The following ZNF184 variants were observed in gnomAD, a reference collection of about 807,000 sequenced individuals.
ZNF184 encodes zinc finger protein 184, also known as zinc finger protein 184 (Kruppel-like).
ZNF184 carries 16 observed loss-of-function variants against 54.4 expected under a neutral mutation model. That is an observed-to-expected ratio of 0.29 (90% CI 0.20 to 0.45). The LOEUF is 0.45. ZNF184 is among the 20% of genes least tolerant of loss of function. The probability of loss-of-function intolerance (pLI) is 1.00; values close to 1 mark genes in which losing one functional copy is unlikely to be tolerated. For synonymous variants in ZNF184, 254 were observed against 295.3 expected (o/e 0.86, Z 1.43); for missense variants, 681 against 888.2 (o/e 0.77, Z 2.97).
chr6:27,412,492 C>G, the ZNF184 span, among the ~76,000 whole-genome samples: 1 of 152,188 alleles, frequency 6.6e-6, no homozygotes, highest in Admixed American at 6.5e-5. Flanking sequence ...TAGTACTTCC[C>G]CTTCACTCTG....
the ZNF184 span, chr6:27,406,208 C>G: frequency 6.6e-6 from 1 of 152,202 alleles, no homozygotes; most frequent in Non-Finnish European, 1.5e-5. Context: ...TGGTCAAGTC[C>G]ACCACACAGT....
the ZNF184 span, among the ~76,000 whole-genome samples, chr6:27,444,567 G>A: frequency 6.6e-6 from 1 of 152,072 alleles, no homozygotes; most frequent in Admixed American, 6.6e-5. Flanking sequence ...TCAAATTTGT[G>A]TTCTCCAGTG....
At chr6:27,469,895 T>A (rs571597801) in intron 2 of ZNF184, among the ~76,000 whole-genome samples, 7 of 151,864 alleles carry the variant, frequency 4.6e-5, no homozygotes, top group African/African-American at 9.7e-5. Context: ...ACCTTAAAAC[T>A]ATAAAAAAAA....
chr6:27,458,592 A>G (rs576970734), intron 3 of ZNF184, among the ~76,000 whole-genome samples: 3 of 152,280 alleles, frequency 2.0e-5, no homozygotes, highest in African/African-American at 7.2e-5. Context: ...GACAAAAAAA[A>G]AAATAACAAA....
At chr6:27,457,176 A>C (rs1762877137) in intron 4 of ZNF184, 107 bp downstream of exon 4, 1 of 1,447,960 alleles carries the variant, frequency 6.9e-7, no homozygotes, top group Non-Finnish European at 9.3e-7. Flanking sequence ...AAAACTAGAA[A>C]TTTAGAAATG....
chr6:27,424,132 C>T, the ZNF184 span, among the ~76,000 whole-genome samples: 1 of 152,110 alleles, frequency 6.6e-6, no homozygotes, highest in African/African-American at 2.4e-5. Context: ...TTCGTGGTCT[C>T]CCTGGCTCAG....
chr6:27,435,850 A>G, the ZNF184 span, among the ~76,000 whole-genome samples: 1 of 152,152 alleles, frequency 6.6e-6, no homozygotes, highest in Non-Finnish European at 1.5e-5. Context: ...CCTGACCTTC[A>G]TATGCCTTCA....
chr6:27,423,196 T>C, the ZNF184 span, among the ~76,000 whole-genome samples: 4 of 152,178 alleles, frequency 2.6e-5, no homozygotes, highest in African/African-American at 9.7e-5. Context: ...CCAGAAGTCT[T>C]AGGATTTCCA....
chr6:27,406,113 A>G, the ZNF184 span: 2 of 152,216 alleles, frequency 1.3e-5, no homozygotes, highest in Admixed American at 6.5e-5. Context: ...GCCCTGCAGC[A>G]ACACTATGAA....
the ZNF184 span, among the ~76,000 whole-genome samples, chr6:27,410,780 C>T: frequency 6.6e-6 from 1 of 152,202 alleles, no homozygotes; most frequent in Non-Finnish European, 1.5e-5. Context: ...GATCCACCTG[C>T]CTTGGCCTCC....
chr6:27,440,903 G>C, the ZNF184 span, among the ~76,000 whole-genome samples: 80 of 152,214 alleles, frequency 5.3e-4, no homozygotes, highest in Middle Eastern at 3.4e-3. Context: ...TACTCGGGTG[G>C]CTGAGGCAGA....
the ZNF184 span, chr6:27,404,687 G>C: frequency 2.0e-5 from 3 of 152,164 alleles, no homozygotes; most frequent in African/African-American, 7.2e-5. Flanking sequence ...TGATACTGGT[G>C]TAAACAAACT....
At chr6:27,470,557 G>C (rs1421738946) in intron 2 of ZNF184, among the ~76,000 whole-genome samples, 1 of 152,172 alleles carries the variant, frequency 6.6e-6, no homozygotes, top group Non-Finnish European at 1.5e-5. Context: ...AGAAAAAAAT[G>C]AAGATATTAT....
the ZNF184 span, among the ~76,000 whole-genome samples, chr6:27,429,031 G>A: frequency 1.3e-5 from 2 of 152,138 alleles, no homozygotes. Context: ...AGAACTTGCC[G>A]GGAAAGCCTG....
intron 3 of ZNF184, among the ~76,000 whole-genome samples, chr6:27,467,112 C>T (rs1763158006): frequency 6.6e-6 from 1 of 152,180 alleles, no homozygotes; most frequent in Non-Finnish European, 1.5e-5. Flanking sequence ...GCCCCACCAC[C>T]TTACTTGTTC....
chr6:27,435,973 T>C, the ZNF184 span, among the ~76,000 whole-genome samples: 91 of 152,218 alleles, frequency 6.0e-4, no homozygotes, highest in African/African-American at 1.7e-3. Flanking sequence ...GCTCTCCAGC[T>C]TAACGATCCT....
At chr6:27,456,614 T>G (rs997442044) in intron 5 of ZNF184, among the ~76,000 whole-genome samples, 1 of 152,082 alleles carries the variant, frequency 6.6e-6, no homozygotes, top group Non-Finnish European at 1.5e-5. Flanking sequence ...GAAGGACATC[T>G]CCTCAAAAAG....
At chr6:27,465,534 G>A (rs368501544) in intron 3 of ZNF184, among the ~76,000 whole-genome samples, 22 of 143,400 alleles carry the variant, frequency 1.5e-4, no homozygotes, top group African/African-American at 5.6e-4. Context: ...CATGTTGCTT[G>A]TAAGTAACTC....
At chr6:27,418,370 G>C in the ZNF184 span, among the ~76,000 whole-genome samples, 10 of 152,190 alleles carry the variant, frequency 6.6e-5, no homozygotes, top group East Asian at 1.7e-3. Context: ...TGAGTTCCAG[G>C]GTTTTTGGCT....
Sources: gnomAD v4.1 joint callset for allele counts (sites outside exome capture counted in the v4.1 genomes callset) on GRCh38, gnomAD v4.1.1 for gene constraint, MANE v1.5 for transcripts, NCBI Gene and HGNC (gene_info 2026-07-23, HGNC 2026-07-21) for gene names.